RALYL: variants seen among roughly 807,000 people sequenced by gnomAD.
The protein encoded by RALYL is RNA-binding Raly-like protein.
In RALYL, 29 loss-of-function variants were observed where a neutral mutation model predicts 35.1. The observed-to-expected ratio is 0.83, with a 90% CI of 0.61 to 1.13. RALYL has a LOEUF of 1.13. Ranked by LOEUF, RALYL falls within the 50% of genes most tolerant of loss-of-function variation. The pLI is 0.00. For missense variants in RALYL, 359 were observed against 360.4 expected, an observed-to-expected ratio of 1.00 and a Z score of 0.03; for synonymous variants, 120 against 127.6, an observed-to-expected ratio of 0.94 and a Z score of 0.40.
At chr8:84,566,773 C>G (rs901413013) in intron 2 of RALYL, among the ~76,000 whole-genome samples, 1 of 151,612 alleles carries the variant, frequency 6.6e-6, no homozygotes, top group Admixed American at 6.6e-5. Flanking sequence ...AACAATGGAC[C>G]TCTAGTTTTT....
At chr8:84,590,665 C>A (rs572995393) in intron 2 of RALYL, among the ~76,000 whole-genome samples, 5 of 152,158 alleles carry the variant, frequency 3.3e-5, no homozygotes, top group Admixed American at 2.6e-4. Flanking sequence ...ATGTTAACAA[C>A]CAGAGCTATC....
intron 1 of RALYL, among the ~76,000 whole-genome samples, chr8:84,459,372 TAGA>T (rs1274624039): frequency 6.6e-6 from 1 of 151,830 alleles, no homozygotes; most frequent in Non-Finnish European, 1.5e-5. Context: ...AAGCCATGAT[TAGA>T]AGATTAGGAC....
At chr8:84,388,744 C>T (rs1343010328) in intron 1 of RALYL, among the ~76,000 whole-genome samples, 1 of 151,750 alleles carries the variant, frequency 6.6e-6, no homozygotes, top group Non-Finnish European at 1.5e-5. Context: ...GGATATTAGC[C>T]CTTTGTCAGA....
At chr8:84,624,840 T>C (rs1219397638) in intron 2 of RALYL, among the ~76,000 whole-genome samples, 1 of 152,218 alleles carries the variant, frequency 6.6e-6, no homozygotes, top group East Asian at 1.9e-4. Flanking sequence ...TCCTGTCAGA[T>C]GTTTCAATGT....
At chr8:84,380,542 G>A (rs1490471553) in intron 1 of RALYL, among the ~76,000 whole-genome samples, 2 of 151,788 alleles carry the variant, frequency 1.3e-5, no homozygotes, top group Non-Finnish European at 2.9e-5. Flanking sequence ...ATTCAGATTC[G>A]ATGGAAAGAG....
At chr8:84,356,530 G>T (rs1323307676) in intron 1 of RALYL, among the ~76,000 whole-genome samples, 1 of 150,032 alleles carries the variant, frequency 6.7e-6, no homozygotes, top group Non-Finnish European at 1.5e-5. Context: ...GTATTAACAT[G>T]CTCTCCTCTT....
intron 2 of RALYL, among the ~76,000 whole-genome samples, chr8:84,682,989 A>G (rs966337566): frequency 1.3e-5 from 2 of 152,036 alleles, no homozygotes; most frequent in Non-Finnish European, 2.9e-5. Flanking sequence ...AGTGCTATAA[A>G]TTTCCCTCTA....
At chr8:84,691,643 G>A (rs566971600) in intron 2 of RALYL, among the ~76,000 whole-genome samples, 1 of 151,904 alleles carries the variant, frequency 6.6e-6, no homozygotes, top group South Asian at 2.1e-4. Context: ...CTCATATCTT[G>A]TATAGAAGTG....
At chr8:84,487,615 A>G (rs2054795112) in intron 1 of RALYL, among the ~76,000 whole-genome samples, 1 of 152,140 alleles carries the variant, frequency 6.6e-6, no homozygotes, top group Non-Finnish European at 1.5e-5. Context: ...TTATTGGAAA[A>G]TGGCCATGCT....
intron 2 of RALYL, among the ~76,000 whole-genome samples, chr8:84,586,024 G>A (rs184891628): frequency 1.3e-5 from 2 of 151,826 alleles, no homozygotes; most frequent in Admixed American, 6.6e-5. Flanking sequence ...GTGAAACCCC[G>A]TCTCTACTAA....
rs1316431755 is a variant in RALYL, at chr8:84,862,443, A to T, written c.561A>T (p.Thr187=). 6.3e-7 allele frequency: 1 copy of T among 1,597,690 alleles called. No homozygotes were observed. The highest frequency in any genetic ancestry group is 8.5e-7 in the Non-Finnish European group (1 of 1,173,640). Residue 187 remains threonine (T), a synonymous_variant, in exon 6 of 9, where the codon ACA becomes ACT. Transcript: ENST00000521268. The part of the protein sequence containing the change: ...GGSRSTASGS[T]GSKLKSDELQ... ...CGAGATCTACTGCCAGTGGGTCAAC[A>T]GGTTCTAAATGTAAGTAATGTCCTT...
chr8:84,525,852 G>C (rs1183528931), intron 1 of RALYL, among the ~76,000 whole-genome samples: 1 of 151,526 alleles, frequency 6.6e-6, no homozygotes, highest in Non-Finnish European at 1.5e-5. Flanking sequence ...TCTGGTCATG[G>C]GTCATATTTC....
At chr8:84,836,686 C>T (rs78704024) in intron 4 of RALYL, among the ~76,000 whole-genome samples, 3,231 of 152,208 alleles carry the variant, frequency 0.021, 105 homozygotes, top group African/African-American at 0.074. Context: ...ACTTTAGATA[C>T]TCTGACAGCT....
Position 84,354,860 on chromosome 8 carries a change from G to A in RALYL, c.-24+170436G>A, listed in dbSNP as rs558891704. Reference sequence around the variant, plus strand: ...TGGTTAATGGTTCTTTAGAAAAGCCGCACAATTAGGACCTCACAAAATAGC... The same window carrying A: ...TGGTTAATGGTTCTTTAGAAAAGCCACACAATTAGGACCTCACAAAATAGC... On this transcript the variant is annotated intron_variant, in intron 1 of 8. Transcript: ENST00000521268. 2.9e-4 allele frequency among the ~76,000 whole-genome samples: 44 copies of A among 150,106 alleles called. 3 individuals are homozygous for A. The highest frequency in any genetic ancestry group is 7.9e-4 in the African/African-American group (32 of 40,336).
chr8:84,254,611 T>C (rs1830856406), intron 1 of RALYL, among the ~76,000 whole-genome samples: 1 of 151,940 alleles, frequency 6.6e-6, no homozygotes, highest in Non-Finnish European at 1.5e-5. Context: ...TCCTGAGTTC[T>C]ACAAATTAAT....
chr8:84,724,248 T>A (rs962297463), intron 2 of RALYL, among the ~76,000 whole-genome samples: 2 of 151,842 alleles, frequency 1.3e-5, no homozygotes, highest in African/African-American at 4.8e-5. Context: ...AATTAATGCC[T>A]CTTAATGGTT....
chr8:84,451,140 G>A (rs970841617), intron 1 of RALYL, among the ~76,000 whole-genome samples: 3 of 151,914 alleles, frequency 2.0e-5, no homozygotes, highest in African/African-American at 4.8e-5. Flanking sequence ...AGTCTCTATG[G>A]CTTAAAGTTT....
chr8:84,759,697 T>C (rs1812234835), intron 2 of RALYL, among the ~76,000 whole-genome samples: 1 of 152,172 alleles, frequency 6.6e-6, no homozygotes, highest in Admixed American at 6.6e-5. Context: ...TTTTCTTACT[T>C]ATAAAATGAG....
At chr8:84,601,985 G>A (rs1294877898) in intron 2 of RALYL, among the ~76,000 whole-genome samples, 1 of 151,838 alleles carries the variant, frequency 6.6e-6, no homozygotes, top group Non-Finnish European at 1.5e-5. Flanking sequence ...ACATCTTAAC[G>A]CTATTTCCCA....
Sources: gnomAD v4.1 joint callset for allele counts (sites outside exome capture counted in the v4.1 genomes callset) on GRCh38, gnomAD v4.1.1 for gene constraint, MANE v1.5 for transcripts, NCBI Gene and HGNC (gene_info 2026-07-23, HGNC 2026-07-21) for gene names.